The following RPTOR variants were observed in gnomAD, a reference collection of about 807,000 sequenced individuals.
The protein encoded by RPTOR is regulatory-associated protein of mTOR.
RPTOR carries 21 observed loss-of-function variants against 169.9 expected under a neutral mutation model. The ratio of observed to expected loss-of-function variants is 0.12; its 90% CI spans 0.09 to 0.18. The LOEUF is 0.18. Among genes scored for constraint, RPTOR ranks in the 10% least tolerant of loss-of-function variants. The pLI is 1.00. For missense variants in RPTOR, 1,133 were observed against 1,855.9 expected (o/e 0.61, Z 7.16); for synonymous variants, 732 against 753.2 (o/e 0.97, Z 0.46).
At chr17:80,773,622 T>C (rs2066865526) in intron 6 of RPTOR, among the ~76,000 whole-genome samples, 1 of 152,156 alleles carries the variant, frequency 6.6e-6, no homozygotes, top group South Asian at 2.1e-4. Flanking sequence ...AGTGGCTGGC[T>C]GGTCTGTTTG....
chr17:80,620,085 G>T (rs1238807953), intron 1 of RPTOR, among the ~76,000 whole-genome samples: 1 of 152,174 alleles, frequency 6.6e-6, no homozygotes, highest in African/African-American at 2.4e-5. Flanking sequence ...GAGGTCATCT[G>T]TCTCCACCCC....
intron 6 of RPTOR, among the ~76,000 whole-genome samples, chr17:80,757,632 G>T (rs997192340): frequency 1.3e-5 from 2 of 152,060 alleles, no homozygotes; most frequent in East Asian, 1.9e-4. Context: ...TATTTGGGGG[G>T]TCCATGCAAT....
chr17:80,563,565 C>CAAA (rs10649649), intron 1 of RPTOR, among the ~76,000 whole-genome samples: 55,384 of 93,736 alleles, frequency 0.59, 17,648 homozygotes, highest in Admixed American at 0.68. Context: ...ACTAAGTCTC[C>CAAA]AAAAAAAAAA....
intron 1 of RPTOR, among the ~76,000 whole-genome samples, chr17:80,581,022 T>C (rs2065009031): frequency 6.6e-6 from 1 of 152,156 alleles, no homozygotes; most frequent in Non-Finnish European, 1.5e-5. Context: ...CCCTTGGAAG[T>C]GTGGCTTGGG....
At chr17:80,667,394 C>T (rs2065788985) in intron 3 of RPTOR, among the ~76,000 whole-genome samples, 1 of 152,180 alleles carries the variant, frequency 6.6e-6, no homozygotes, top group Non-Finnish European at 1.5e-5. Context: ...TTTGTTCCTA[C>T]TGGAATAAGG....
intron 20 of RPTOR, among the ~76,000 whole-genome samples, chr17:80,901,850 T>C (rs2068480399): frequency 1.4e-5 from 2 of 146,708 alleles, no homozygotes; most frequent in African/African-American, 5.0e-5. Context: ...CCCAGAGCAC[T>C]TGCATTCTTA....
intron 7 of RPTOR, among the ~76,000 whole-genome samples, chr17:80,819,014 G>A (rs550127862): frequency 9.8e-5 from 15 of 152,304 alleles, no homozygotes; most frequent in South Asian, 6.2e-4. Context: ...TTCAGGATAC[G>A]TGGGCTCACG....
intron 3 of RPTOR, among the ~76,000 whole-genome samples, chr17:80,684,134 G>C (rs1044322364): frequency 6.6e-6 from 1 of 151,856 alleles, no homozygotes; most frequent in African/African-American, 2.4e-5. Context: ...AGAGTTACTT[G>C]GGTGGGCTTT....
intron 20 of RPTOR, among the ~76,000 whole-genome samples, chr17:80,905,896 G>A (rs1598392987): frequency 6.6e-6 from 1 of 152,320 alleles, no homozygotes; most frequent in South Asian, 2.1e-4. Context: ...TCACCCCCGG[G>A]TCTTGTGAGG....
intron 3 of RPTOR, among the ~76,000 whole-genome samples, chr17:80,667,607 T>G (rs950144323): frequency 1.3e-5 from 2 of 152,228 alleles, no homozygotes; most frequent in Non-Finnish European, 2.9e-5. Flanking sequence ...TAGCAAATAG[T>G]AAGCCCTTCG....
chr17:80,684,534 T>TC (rs369453399), intron 3 of RPTOR, among the ~76,000 whole-genome samples: 2,483 of 151,196 alleles, frequency 0.016, 27 homozygotes, highest in Non-Finnish European at 0.026. Flanking sequence ...AAGCTCCTCC[T>TC]CCCGGGTTCA....
chr17:80,922,405 G>GCCGT (rs2068756393), intron 21 of RPTOR, among the ~76,000 whole-genome samples: 1 of 152,162 alleles, frequency 6.6e-6, no homozygotes. Context: ...AGGAGGGTGG[G>GCCGT]CCGTCATCCA....
At chr17:80,786,389 A>G (rs556879934) in intron 6 of RPTOR, among the ~76,000 whole-genome samples, 18 of 152,316 alleles carry the variant, frequency 1.2e-4, no homozygotes, top group Admixed American at 7.2e-4. Flanking sequence ...TGAAAACAGC[A>G]TTCAATAGTT....
chr17:80,749,960 C>T (rs2066615322), intron 5 of RPTOR, among the ~76,000 whole-genome samples: 1 of 152,166 alleles, frequency 6.6e-6, no homozygotes, highest in African/African-American at 2.4e-5. Flanking sequence ...AAGCAATCCT[C>T]ACACCTCAGC....
intron 13 of RPTOR, among the ~76,000 whole-genome samples, chr17:80,866,356 G>A (rs900943355): frequency 8.6e-5 from 13 of 152,030 alleles, no homozygotes; most frequent in Admixed American, 2.0e-4. Context: ...AAAGAGGGAC[G>A]GTCTCCAACC....
chr17:80,886,066 G>A (rs1220881438), intron 17 of RPTOR, among the ~76,000 whole-genome samples: 1 of 152,270 alleles, frequency 6.6e-6, no homozygotes, highest in East Asian at 1.9e-4. Context: ...TGGGCAGGGA[G>A]TGTGTCTCCC....
At chr17:80,763,244 T>C (rs1435997811) in intron 6 of RPTOR, among the ~76,000 whole-genome samples, 3 of 151,768 alleles carry the variant, frequency 2.0e-5, no homozygotes, top group African/African-American at 7.3e-5. Context: ...AGACCCAGTC[T>C]CTAAAAAAAA....
At chr17:80,585,115 G>A (rs890773489) in intron 1 of RPTOR, among the ~76,000 whole-genome samples, 7 of 151,790 alleles carry the variant, frequency 4.6e-5, no homozygotes, top group Non-Finnish European at 1.0e-4. Context: ...ACCAAATTAT[G>A]TAAGAATGTG....
intron 9 of RPTOR, among the ~76,000 whole-genome samples, chr17:80,827,434 C>T (rs1567934304): frequency 6.6e-6 from 1 of 152,226 alleles, no homozygotes; most frequent in African/African-American, 2.4e-5. Flanking sequence ...GACCACCCGC[C>T]GTCCCCACCA....
Sources: gnomAD v4.1 joint callset for allele counts (sites outside exome capture counted in the v4.1 genomes callset) on GRCh38, gnomAD v4.1.1 for gene constraint, MANE v1.5 for transcripts, NCBI Gene and HGNC (gene_info 2026-07-23, HGNC 2026-07-21) for gene names.